CNTNAP2: variants seen among roughly 807,000 people sequenced by gnomAD.
The protein encoded by CNTNAP2 is contactin associated protein 2.
CNTNAP2 carries 98 observed loss-of-function variants against 155.2 expected under a neutral mutation model. That is an observed-to-expected ratio of 0.63 (90% CI 0.54 to 0.75). The LOEUF (loss-of-function observed/expected upper bound fraction) is 0.75. Among genes scored for constraint, CNTNAP2 ranks in the 30% least tolerant of loss-of-function variants. The pLI is 0.00. For synonymous variants in CNTNAP2, 651 were observed against 631.2 expected, an observed-to-expected ratio of 1.03 and a Z score of -0.47; for missense variants, 1,727 against 1,688.1, an observed-to-expected ratio of 1.02 and a Z score of -0.40.
chr7:147,630,408 A>T (rs1306246551), intron 12 of CNTNAP2, among the ~76,000 whole-genome samples: 1 of 151,944 alleles, frequency 6.6e-6, no homozygotes, highest in East Asian at 1.9e-4. Context: ...AGAAGAATCG[A>T]CACCAATCTT....
chr7:147,569,076 C>T (rs1210533118), intron 12 of CNTNAP2, among the ~76,000 whole-genome samples: 1 of 152,048 alleles, frequency 6.6e-6, no homozygotes, highest in Admixed American at 6.6e-5. Flanking sequence ...TATCAAAAAG[C>T]CATTAAGCTT....
intron 21 of CNTNAP2, among the ~76,000 whole-genome samples, chr7:148,358,341 G>A (rs1194701241): frequency 6.6e-6 from 1 of 152,210 alleles, no homozygotes; most frequent in East Asian, 1.9e-4. Context: ...GAAATGGGGG[G>A]AAGAAGGCAA....
At chr7:146,241,817 T>TAC (rs1799567132) in intron 1 of CNTNAP2, among the ~76,000 whole-genome samples, 1 of 150,330 alleles carries the variant, frequency 6.7e-6, no homozygotes, top group Admixed American at 6.6e-5. Context: ...ATTATATATA[T>TAC]ACCTATACAC....
chr7:146,442,559 C>T (rs1467079950), intron 1 of CNTNAP2, among the ~76,000 whole-genome samples: 2 of 151,730 alleles, frequency 1.3e-5, no homozygotes, highest in African/African-American at 4.8e-5. Flanking sequence ...GTCAAAAACT[C>T]TGTGTTGAAT....
intron 1 of CNTNAP2, among the ~76,000 whole-genome samples, chr7:146,332,076 TACAC>T (rs1451832431): frequency 3.3e-5 from 5 of 152,060 alleles, no homozygotes; most frequent in South Asian, 2.1e-4. Context: ...TCTATGTAGA[TACAC>T]ACACAAATAT....
intron 1 of CNTNAP2, among the ~76,000 whole-genome samples, chr7:146,603,401 G>C (rs796954530): frequency 1.3e-4 from 19 of 149,432 alleles, no homozygotes; most frequent in African/African-American, 4.4e-4. Context: ...GACAGAGTGA[G>C]ACTCTGTCTC....
chr7:146,438,423 G>T (rs904157431), intron 1 of CNTNAP2, among the ~76,000 whole-genome samples: 4 of 151,134 alleles, frequency 2.6e-5, no homozygotes, highest in Non-Finnish European at 5.9e-5. Flanking sequence ...ATCAAACACT[G>T]TGAAGGTTTA....
chr7:147,162,641 A>G (rs1234138231), intron 8 of CNTNAP2, among the ~76,000 whole-genome samples: 1 of 152,166 alleles, frequency 6.6e-6, no homozygotes, highest in African/African-American at 2.4e-5. Context: ...GTTGGATAGC[A>G]TGTTAGGTTT....
At chr7:147,929,601 G>A (rs752970034) in intron 14 of CNTNAP2, among the ~76,000 whole-genome samples, 1 of 152,112 alleles carries the variant, frequency 6.6e-6, no homozygotes, top group African/African-American at 2.4e-5. Context: ...TCTGGTTTTT[G>A]CAAATAGTAT....
At chr7:146,380,372 C>T (rs1270572426) in intron 1 of CNTNAP2, among the ~76,000 whole-genome samples, 1 of 152,038 alleles carries the variant, frequency 6.6e-6, no homozygotes, top group African/African-American at 2.4e-5. Context: ...TAATGGAGAT[C>T]GGTTAAATAA....
chr7:146,217,513 G>A (rs886414643), intron 1 of CNTNAP2, among the ~76,000 whole-genome samples: 5 of 152,070 alleles, frequency 3.3e-5, no homozygotes, highest in South Asian at 2.1e-4. Context: ...TTATCCACAC[G>A]TATTAATACT....
intron 12 of CNTNAP2, 110 bp from the exon 13 acceptor site, chr7:147,638,996 A>T: frequency 9.1e-7 from 1 of 1,096,770 alleles, no homozygotes; most frequent in Non-Finnish European, 1.4e-6. Context: ...ACACTGTTCT[A>T]CACCAGCTCA....
chr7:146,784,320 C>G (rs1478147153), intron 2 of CNTNAP2, among the ~76,000 whole-genome samples: 1 of 152,184 alleles, frequency 6.6e-6, no homozygotes, highest in Non-Finnish European at 1.5e-5. Flanking sequence ...TTTTCTAACA[C>G]TCTCTTTAGA....
At chr7:148,030,491 A>G (rs185499625) in intron 15 of CNTNAP2, among the ~76,000 whole-genome samples, 168 of 152,078 alleles carry the variant, frequency 1.1e-3, no homozygotes, top group Admixed American at 5.8e-3. Flanking sequence ...GGGAAATTCA[A>G]TGTCAAGGAA....
intron 3 of CNTNAP2, among the ~76,000 whole-genome samples, chr7:146,980,180 G>A (rs1797986907): frequency 2.0e-5 from 3 of 152,182 alleles, no homozygotes; most frequent in Middle Eastern, 3.4e-3. Flanking sequence ...GAAATCAGGT[G>A]GATAGGGGGA....
intron 21 of CNTNAP2, among the ~76,000 whole-genome samples, chr7:148,332,398 A>C (rs10435203): frequency 0.97 from 147,192 of 152,180 alleles, 71,226 homozygotes; most frequent in East Asian, 1. Flanking sequence ...TTAGAGGGAG[A>C]ATTGACTGTG....
chr7:148,393,677 G>A (rs888431246), intron 22 of CNTNAP2, among the ~76,000 whole-genome samples: 3 of 152,060 alleles, frequency 2.0e-5, no homozygotes, highest in South Asian at 4.1e-4. Flanking sequence ...GATATAATCC[G>A]ATTGACAGTC....
At chr7:147,637,331 G>T (rs937345542) in intron 12 of CNTNAP2, among the ~76,000 whole-genome samples, 2 of 152,064 alleles carry the variant, frequency 1.3e-5, no homozygotes, top group Non-Finnish European at 2.9e-5. Context: ...TTCAAATTTT[G>T]GAAATACACT....
chr7:146,374,195 A>G (rs1320208622), intron 1 of CNTNAP2, among the ~76,000 whole-genome samples: 1 of 152,218 alleles, frequency 6.6e-6, no homozygotes, highest in South Asian at 2.1e-4. Flanking sequence ...TGAAAAAAAA[A>G]GTGGCTTTAA....
Sources: allele counts gnomAD v4.1 joint callset (sites outside exome capture counted in the v4.1 genomes callset), GRCh38; gene constraint gnomAD v4.1.1; transcripts MANE v1.5; gene names NCBI Gene and HGNC (gene_info 2026-07-23, HGNC 2026-07-21).